METTL15: variants seen among roughly 807,000 people sequenced by gnomAD.
METTL15 encodes the protein 12S rRNA N(4)-cytidine methyltransferase METTL15.
A neutral mutation model predicts 38.3 loss-of-function variants in METTL15; 34 were observed. The observed-to-expected ratio is 0.89, with a 90% CI of 0.68 to 1.18. The LOEUF (loss-of-function observed/expected upper bound fraction) is 1.18. Among genes scored for constraint, METTL15 ranks in the 50% most tolerant of loss-of-function variants. The pLI is 0.00. For synonymous variants in METTL15, 162 were observed against 170.9 expected, an observed-to-expected ratio of 0.95 and a Z score of 0.41; for missense variants, 438 against 498.4, an observed-to-expected ratio of 0.88 and a Z score of 1.15.
At chr11:28,481,953 A>G (rs1195696564) in intron 6 of METTL15, among the ~76,000 whole-genome samples, 1 of 152,158 alleles carries the variant, frequency 6.6e-6, no homozygotes, top group Non-Finnish European at 1.5e-5. Context: ...ATTCTGAAAT[A>G]CATTTTCTCA....
chr11:28,373,921 G>A (rs896580226), intron 5 of METTL15, among the ~76,000 whole-genome samples: 5 of 152,084 alleles, frequency 3.3e-5, no homozygotes, highest in Admixed American at 2.0e-4. Flanking sequence ...ATTAAATAGG[G>A]AATCCTTTCC....
intron 6 of METTL15, among the ~76,000 whole-genome samples, chr11:28,300,141 A>G (rs993842663): frequency 1.3e-5 from 2 of 152,134 alleles, no homozygotes; most frequent in African/African-American, 4.8e-5. Flanking sequence ...GGGGGACTCT[A>G]TAAACCCAGT....
intron 3 of METTL15, among the ~76,000 whole-genome samples, chr11:28,342,437 T>TG (rs1849961116): frequency 2.0e-5 from 3 of 151,820 alleles, no homozygotes; most frequent in South Asian, 4.2e-4. Flanking sequence ...TAATTTTTTT[T>TG]TTTTTTGTAG....
chr11:28,289,385 T>A (rs1437059557), intron 4 of METTL15, among the ~76,000 whole-genome samples: 1 of 152,170 alleles, frequency 6.6e-6, no homozygotes, highest in Non-Finnish European at 1.5e-5. Context: ...ATCATTAACG[T>A]AAATTATCCA....
At chr11:28,461,376 C>T (rs1851212519) in intron 6 of METTL15, among the ~76,000 whole-genome samples, 1 of 151,982 alleles carries the variant, frequency 6.6e-6, no homozygotes, top group East Asian at 1.9e-4. Context: ...CATGAGGAAC[C>T]AAACTGTATC....
intron 3 of METTL15, among the ~76,000 whole-genome samples, chr11:28,162,614 G>T (rs1421033465): frequency 6.6e-6 from 1 of 152,084 alleles, no homozygotes; most frequent in Non-Finnish European, 1.5e-5. Context: ...AGTCAAAAAT[G>T]TATTGAATAT....
intron 6 of METTL15, among the ~76,000 whole-genome samples, chr11:28,320,181 G>GT (rs34152619): frequency 9.0e-4 from 101 of 111,926 alleles, no homozygotes; most frequent in African/African-American, 2.4e-3. Flanking sequence ...TAAATAAATA[G>GT]TTTTTTTTTT....
chr11:28,126,842 A>G (rs576901844), intron 3 of METTL15, among the ~76,000 whole-genome samples: 1 of 152,280 alleles, frequency 6.6e-6, no homozygotes, highest in Non-Finnish European at 1.5e-5. Flanking sequence ...TTCCACTGCC[A>G]TGAAAGAGTA....
chr11:28,327,705 A>G (rs1849683756), intron 6 of METTL15: 1 of 157,090 alleles, frequency 6.4e-6, no homozygotes, highest in Admixed American at 6.5e-5. Context: ...AATGTCTAAC[A>G]AACTTTAATG....
rs562842380 is a variant in METTL15 at position 28,245,672 on chromosome 11, T to A, written c.407+34474T>A. Among the ~76,000 whole-genome samples the A allele has an allele frequency of 2.6e-5, 4 of 152,298 alleles. No homozygotes were observed. The South Asian group carries it at 8.3e-4, about 32-fold the overall frequency. The stretch of plus-strand genomic sequence containing the variant: ...AACAAATACCTGAGACTTGGTAATT[T>A]ATGAAGAAAAGAGGTTTCATTGACT... On this transcript the variant is annotated intron_variant, in intron 4 of 6. Coordinates refer to ENST00000407364, the MANE Select transcript of METTL15 (RefSeq NM_001113528.2).
chr11:28,326,510 G>T (rs1849638658), intron 6 of METTL15, among the ~76,000 whole-genome samples: 1 of 152,000 alleles, frequency 6.6e-6, no homozygotes, highest in South Asian at 2.1e-4. Flanking sequence ...TCTTATCCAT[G>T]TGTCCCATTG....
chr11:28,214,172 A>G (rs977648136), intron 4 of METTL15, among the ~76,000 whole-genome samples: 1 of 151,798 alleles, frequency 6.6e-6, no homozygotes, highest in Non-Finnish European at 1.5e-5. Flanking sequence ...CCTCTCAAGT[A>G]GCTGGGACTA....
At chr11:28,460,476 A>G (rs187613667) in intron 6 of METTL15, among the ~76,000 whole-genome samples, 8 of 152,220 alleles carry the variant, frequency 5.3e-5, no homozygotes, top group Admixed American at 4.6e-4. Context: ...CTTTAATATT[A>G]TGAAAATAAA....
intron 4 of METTL15, among the ~76,000 whole-genome samples, chr11:28,280,125 C>T (rs1855998289): frequency 6.6e-6 from 1 of 152,092 alleles, no homozygotes; most frequent in Non-Finnish European, 1.5e-5. Context: ...TTACCATATA[C>T]TTACACTTTC....
At chr11:28,371,343 A>G (rs762864137) in intron 5 of METTL15, among the ~76,000 whole-genome samples, 1 of 151,962 alleles carries the variant, frequency 6.6e-6, no homozygotes, top group Non-Finnish European at 1.5e-5. Flanking sequence ...CCATAAATGT[A>G]TGGATTTATA....
chr11:28,141,996 T>C (rs1046652636), intron 3 of METTL15, among the ~76,000 whole-genome samples: 4 of 152,202 alleles, frequency 2.6e-5, no homozygotes, highest in African/African-American at 7.2e-5. Context: ...AGACAACTTA[T>C]GAGGTTAGAA....
At chr11:28,204,290 C>T (rs1424045817) in intron 3 of METTL15, among the ~76,000 whole-genome samples, 6 of 151,924 alleles carry the variant, frequency 3.9e-5, no homozygotes, top group Non-Finnish European at 5.9e-5. Context: ...TTCTTTCTAT[C>T]ACTCTTGCCT....
At chr11:28,522,890 A>G (rs1459160107) in intron 6 of METTL15, among the ~76,000 whole-genome samples, 4 of 152,210 alleles carry the variant, frequency 2.6e-5, no homozygotes, top group Non-Finnish European at 1.5e-5. Flanking sequence ...TCATTTGTTT[A>G]TTCACCCACT....
chr11:28,451,696 A>G (rs1343677907), intron 6 of METTL15, among the ~76,000 whole-genome samples: 1 of 152,218 alleles, frequency 6.6e-6, no homozygotes, highest in Non-Finnish European at 1.5e-5. Flanking sequence ...GCTTTATGCC[A>G]TGCACCTTCG....
Sources: allele counts gnomAD v4.1 joint callset (sites outside exome capture counted in the v4.1 genomes callset), GRCh38; gene constraint gnomAD v4.1.1; transcripts MANE v1.5; gene names NCBI Gene and HGNC (gene_info 2026-07-23, HGNC 2026-07-21).